Variants in RASGRF2 observed in about 807,000 individuals in gnomAD.
RASGRF2 encodes ras-specific guanine nucleotide-releasing factor 2.
In RASGRF2, 76 loss-of-function variants were observed where a neutral mutation model predicts 151.0. That is an observed-to-expected ratio of 0.50 (90% CI 0.42 to 0.61). The LOEUF (loss-of-function observed/expected upper bound fraction) is 0.61, where lower values mean the gene tolerates loss of function less well. Among genes scored for constraint, RASGRF2 ranks in the 20% least tolerant of loss-of-function variants. RASGRF2 has a pLI of 0.00. For missense variants in RASGRF2, 1,148 were observed against 1,564.6 expected (o/e 0.73, Z 4.49); for synonymous variants, 504 against 566.5 (o/e 0.89, Z 1.57).
In RASGRF2 at chr5:81,068,012, CTG is replaced by C. The variant is rs774192159; in HGVS notation, c.396-16_396-15del. On this transcript the variant is annotated intron_variant, in intron 2 of 26. Coordinates refer to ENST00000265080, the MANE Select transcript of RASGRF2 (RefSeq NM_006909.3). ...AGTAGAACAATATCTCAATGACTAACTGTGTAATTTTCTCTCAAGTTATGCAG... is the reference window on the plus strand; with the variant it reads ...AGTAGAACAATATCTCAATGACTAACTGTAATTTTCTCTCAAGTTATGCAG... The C allele has an allele frequency of 1.3e-5, 20 of 1,578,320 alleles. No homozygotes were observed. In the East Asian group the frequency reaches 1.8e-4, roughly 14 times the overall value.
intron 17 of RASGRF2, among the ~76,000 whole-genome samples, chr5:81,137,025 C>T (rs1445403581): frequency 2.6e-5 from 4 of 151,946 alleles, no homozygotes; most frequent in Admixed American, 2.6e-4. Context: ...CTACTTTTTC[C>T]ATTAGAACCC....
At chr5:81,026,332 T>C (rs1382009699) in intron 1 of RASGRF2, among the ~76,000 whole-genome samples, 1 of 152,008 alleles carries the variant, frequency 6.6e-6, no homozygotes, top group African/African-American at 2.4e-5. Flanking sequence ...CTTCTCTACT[T>C]AAGCTCCCTC....
At chr5:81,152,000 TTTTG>T (rs1282765512) in intron 17 of RASGRF2, among the ~76,000 whole-genome samples, 2 of 152,056 alleles carry the variant, frequency 1.3e-5, no homozygotes, top group African/African-American at 2.4e-5. Context: ...AAGAGAGATT[TTTTG>T]TTTGTTTGTT....
In RASGRF2 at chr5:80,985,563, T is replaced by A. The variant is rs114641131; in HGVS notation, c.288+24537T>A. Among the ~76,000 whole-genome samples, 1,223 of 152,246 alleles carry A rather than the reference T, an allele frequency of 8.0e-3. 14 individuals carry two copies. The highest frequency in any genetic ancestry group is 0.028 in the African/African-American group (1,167 of 41,540). The stretch of plus-strand genomic sequence containing the variant: ...AGTCACGTGTTGCAAACAAATTGTT[T>A]TGGTAGTAAAGTAAGGAGTAAAGAA... On this transcript the variant is annotated intron_variant, in intron 1 of 26. Transcript: ENST00000265080.
At chr5:81,173,914 T>A (rs1754715574) in intron 17 of RASGRF2, among the ~76,000 whole-genome samples, 1 of 152,220 alleles carries the variant, frequency 6.6e-6, no homozygotes, top group Non-Finnish European at 1.5e-5. Flanking sequence ...CTACACAGTA[T>A]CTGGAACATA....
chr5:81,016,425 T>C (rs1749639028), intron 1 of RASGRF2, among the ~76,000 whole-genome samples: 1 of 152,338 alleles, frequency 6.6e-6, no homozygotes, highest in South Asian at 2.1e-4. Context: ...CAACTTAATA[T>C]ATTAAATTCT....
chr5:81,212,931 C>T (rs1755658223), intron 23 of RASGRF2, among the ~76,000 whole-genome samples: 1 of 152,178 alleles, frequency 6.6e-6, no homozygotes, highest in South Asian at 2.1e-4. Flanking sequence ...AAGCCAGGGA[C>T]AAAAGGCCTC....
intron 2 of RASGRF2, 69 bp from the exon 3 acceptor site, chr5:81,067,963 T>G: frequency 7.0e-6 from 9 of 1,288,784 alleles, no homozygotes; most frequent in Non-Finnish European, 9.3e-6. Flanking sequence ...TGTAGCATAT[T>G]ATATTCTATA....
At chr5:81,220,757 T>C (rs1167889074) in intron 26 of RASGRF2, among the ~76,000 whole-genome samples, 1 of 152,148 alleles carries the variant, frequency 6.6e-6, no homozygotes, top group East Asian at 1.9e-4. Context: ...TGTGAGCCAC[T>C]GCTCTCAGCC....
chr5:81,187,117 T>C (rs1347365700), intron 18 of RASGRF2, among the ~76,000 whole-genome samples: 1 of 152,166 alleles, frequency 6.6e-6, no homozygotes, highest in African/African-American at 2.4e-5. Flanking sequence ...GGCCAAATGC[T>C]GTTACCCCCG....
intron 17 of RASGRF2, among the ~76,000 whole-genome samples, chr5:81,158,501 C>T (rs1312289979): frequency 6.6e-6 from 1 of 151,870 alleles, no homozygotes; most frequent in Non-Finnish European, 1.5e-5. Context: ...AAGACACCCT[C>T]GAGAAAGTGA....
intron 1 of RASGRF2, among the ~76,000 whole-genome samples, chr5:80,990,230 T>A (rs1479937806): frequency 2.0e-5 from 3 of 147,052 alleles, no homozygotes; most frequent in Admixed American, 1.4e-4. Context: ...TTTTTTTTTT[T>A]TTATTTTCTT....
chr5:81,023,815 T>G (rs955452084), intron 1 of RASGRF2, among the ~76,000 whole-genome samples: 21 of 152,322 alleles, frequency 1.4e-4, no homozygotes, highest in African/African-American at 4.8e-4. Context: ...CTCCCCATAC[T>G]GGGCATTTGG....
At chr5:81,070,637 A>G (rs367677800) in intron 4 of RASGRF2, 56 bp downstream of exon 4, 14 of 1,471,498 alleles carry the variant, frequency 9.5e-6, no homozygotes, top group African/African-American at 4.2e-5. Context: ...CGTCTGTTCT[A>G]TGGTGGTGTC....
chr5:81,223,751 A>G (rs1162172297), intron 26 of RASGRF2, among the ~76,000 whole-genome samples: 1 of 152,156 alleles, frequency 6.6e-6, no homozygotes, highest in Non-Finnish European at 1.5e-5. Context: ...TACGAGATAA[A>G]GAAGGCACTC....
chr5:81,207,438 C>A, intron 21 of RASGRF2, 89 bp downstream of exon 21: 1 of 1,106,136 alleles, frequency 9.0e-7, no homozygotes, highest in Non-Finnish European at 1.3e-6. Context: ...GTGTGTATGT[C>A]TGTCCCCTCA....
At chr5:81,117,642 T>A (rs1422873726) in intron 15 of RASGRF2, among the ~76,000 whole-genome samples, 1 of 152,204 alleles carries the variant, frequency 6.6e-6, no homozygotes, top group African/African-American at 2.4e-5. Context: ...AATATATTCA[T>A]TCCATCCCAA....
intron 24 of RASGRF2, chr5:81,217,027 A>G (rs1755754624): frequency 2.2e-6 from 1 of 446,018 alleles, no homozygotes; most frequent in Non-Finnish European, 4.5e-6. Context: ...CCAAGCTTCT[A>G]CCCCTCAAAA....
At chr5:81,217,155 G>T (rs6868762) in intron 24 of RASGRF2, among the ~76,000 whole-genome samples, 63,883 of 152,044 alleles carry the variant, frequency 0.42, 13,905 homozygotes, top group Admixed American at 0.53. Context: ...TAGTAAAGCA[G>T]GGGCTGTCAT....
Sources: gnomAD v4.1 joint callset for allele counts (sites outside exome capture counted in the v4.1 genomes callset) on GRCh38, gnomAD v4.1.1 for gene constraint, MANE v1.5 for transcripts, NCBI Gene and HGNC (gene_info 2026-07-23, HGNC 2026-07-21) for gene names.